The following LAT2 variants were observed in gnomAD, a reference collection of about 807,000 sequenced individuals.
The protein encoded by LAT2 is linker for activation of T-cells family member 2.
A neutral mutation model predicts 43.4 loss-of-function variants in LAT2; 23 were observed. The ratio of observed to expected loss-of-function variants is 0.53; its 90% CI spans 0.38 to 0.75. The LOEUF (loss-of-function observed/expected upper bound fraction) is 0.75. LAT2 is among the 30% of genes least tolerant of loss of function. The pLI is 0.00. For missense variants in LAT2, 284 were observed against 310.2 expected (o/e 0.92, Z 0.64); for synonymous variants, 128 against 123.2 (o/e 1.04, Z -0.26).
intron 10 of LAT2, 61 bp from the exon 11 acceptor site, chr7:74,223,663 G>T: frequency 6.7e-7 from 1 of 1,494,434 alleles, no homozygotes; most frequent in South Asian, 1.1e-5. Context: ...AGAGCGGGAG[G>T]ATGAGCCAGG....
chr7:74,228,301 C>G (rs1277675618), intron 13 of LAT2, among the ~76,000 whole-genome samples: 1 of 148,416 alleles, frequency 6.7e-6, no homozygotes, highest in Non-Finnish European at 1.5e-5. Context: ...ACAGTGAAAC[C>G]CCGTCTCTAC....
intron 1 of LAT2, among the ~76,000 whole-genome samples, chr7:74,214,164 AAAT>A (rs1289026381): frequency 2.6e-5 from 2 of 76,554 alleles, no homozygotes; most frequent in African/African-American, 1.2e-4. Context: ...ATATATATGA[AAAT>A]ATATATATGA....
rs1554714906 is a variant in LAT2 at position 74,220,121 on chromosome 7, G to C, written c.228-96G>C. 2 of 1,563,442 alleles carry C rather than the reference G, an allele frequency of 1.3e-6. No homozygotes were observed. Among genetic ancestry groups the C allele is most frequent in the Admixed American group, 3.5e-5 (2 of 56,648 alleles). On this transcript the variant is annotated intron_variant, in intron 6 of 13. Transcript: ENST00000460943. The surrounding 1 kb of genome is among the most constrained non-coding windows in gnomAD (Gnocchi z 4.5). ...CCGAGTCCCAGAGCTCCAGGGCTCAGCTATGAAGGCCCCACAAGGGGTATG... is the reference window on the plus strand; with the variant it reads ...CCGAGTCCCAGAGCTCCAGGGCTCACCTATGAAGGCCCCACAAGGGGTATG...
Position 74,223,721 on chromosome 7 carries a change from C to T in LAT2, c.389-3C>T, listed in dbSNP as rs1802377187. The T allele has an allele frequency of 6.2e-7, 1 of 1,613,850 alleles. No individual in the cohort carries two copies. On this transcript the variant is annotated splice_region_variant and splice_polypyrimidine_tract_variant and intron_variant, in intron 10 of 13. Coordinates refer to ENST00000460943, the MANE Select transcript of LAT2 (RefSeq NM_032464.3). The stretch of plus-strand genomic sequence containing the variant: ...CCCGTGCCCACTCCTCTCTCTCCTG[C>T]AGATGATGATGCCAATTCCTACGAG...
At chr7:74,222,854 C>T (rs1172809141) in intron 10 of LAT2, among the ~76,000 whole-genome samples, 5 of 152,202 alleles carry the variant, frequency 3.3e-5, no homozygotes, top group Non-Finnish European at 5.9e-5. Flanking sequence ...GGATTACAGG[C>T]ATGAGCCACC....
intron 9 of LAT2, among the ~76,000 whole-genome samples, chr7:74,221,168 G>A (rs1408548990): frequency 6.6e-6 from 1 of 151,974 alleles, no homozygotes; most frequent in African/African-American, 2.4e-5. Context: ...GTAATCCCAG[G>A]ACTTTGGGAG....
chr7:74,221,601 C>T (rs368838300), intron 9 of LAT2, 36 bp from the exon 10 acceptor site: 4 of 1,589,302 alleles, frequency 2.5e-6, no homozygotes, highest in Non-Finnish European at 3.4e-6. Flanking sequence ...CTCCAGCCTG[C>T]CCTGAAACCT....
intron 1 of LAT2, among the ~76,000 whole-genome samples, chr7:74,213,786 G>A (rs1355050365): frequency 1.3e-5 from 2 of 151,864 alleles, no homozygotes; most frequent in African/African-American, 4.8e-5. Context: ...CTGTGGGATG[G>A]GGAGAAGCCC....
At chr7:74,221,566 C>A in intron 9 of LAT2, 71 bp from the exon 10 acceptor site, 15 of 1,251,466 alleles carry the variant, frequency 1.2e-5, no homozygotes, top group Non-Finnish European at 1.7e-5. Context: ...GCCTCACCGC[C>A]CCCTTATGGA....
intron 9 of LAT2, 69 bp from the exon 10 acceptor site, chr7:74,221,568 C>T: frequency 7.6e-7 from 1 of 1,315,330 alleles, no homozygotes; most frequent in Non-Finnish European, 1.1e-6. Flanking sequence ...CTCACCGCCC[C>T]CTTATGGAGC....
In LAT2 at chr7:74,218,860, C is replaced by T. The variant is rs564495751; in HGVS notation, c.135-884C>T. Among the ~76,000 whole-genome samples the T allele has an allele frequency of 4.3e-4, 65 of 151,898 alleles. No individual in the cohort carries two copies. In the South Asian group the frequency reaches 0.013, roughly 31 times the overall value. ...TACAGGCATGCGCCACCATGCCCAG[C>T]TAATTTTTGTATTTTTAGTAGAGAC... On this transcript the variant is annotated intron_variant, in intron 4 of 13. Coordinates refer to ENST00000460943, the MANE Select transcript of LAT2 (RefSeq NM_032464.3).
At chr7:74,222,269 C>T (rs1368637629) in intron 10 of LAT2, among the ~76,000 whole-genome samples, 2 of 149,172 alleles carry the variant, frequency 1.3e-5, no homozygotes, top group Non-Finnish European at 3.0e-5. Flanking sequence ...GGCATGGTGG[C>T]ACATGCCTGT....
intron 1 of LAT2, among the ~76,000 whole-genome samples, chr7:74,211,642 A>G (rs2116069019): frequency 6.6e-6 from 1 of 152,078 alleles, no homozygotes; most frequent in East Asian, 1.9e-4. Context: ...TATTTTTAGT[A>G]GAGACGGGGT....
chr7:74,220,720 G>T lies in LAT2; in HGVS notation c.318G>T (p.Ser106=), dbSNP rs200881614. 1.2e-6 allele frequency: 2 copies of T among 1,604,290 alleles called. No homozygotes were observed. Among genetic ancestry groups the T allele is most frequent in the Non-Finnish European group, 1.7e-6 (2 of 1,172,860 alleles). ...QNFSKGSRHG[S]EEAYIDPIAM... Reference sequence around the variant, plus strand: ...CTCCCGCAGGAAGCAGACACGGGTCGGAGGAAGCCTACATGTGAGTGACCT... The same window carrying T: ...CTCCCGCAGGAAGCAGACACGGGTCTGAGGAAGCCTACATGTGAGTGACCT... Residue 106 remains serine (S), a synonymous_variant, in exon 9 of 14, where the codon TCG becomes TCT. Coordinates refer to ENST00000460943, the MANE Select transcript of LAT2 (RefSeq NM_032464.3). This position sits in a 1 kb window ranked among gnomAD's most constrained non-coding sequence, Gnocchi z 4.5.
rs1802621666 is a variant in LAT2, at chr7:74,229,705, G to C, written c.*780G>C. ...CTCCAGGGCTGGCCTCTGCAGAGCTGATTAAACAGTGTTGTGACTGTCTCA... is the reference window on the plus strand; with the variant it reads ...CTCCAGGGCTGGCCTCTGCAGAGCTCATTAAACAGTGTTGTGACTGTCTCA... On this transcript the variant is annotated 3_prime_UTR_variant, in exon 14 of 14. Coordinates refer to ENST00000460943, the MANE Select transcript of LAT2 (RefSeq NM_032464.3). The C allele has an allele frequency of 1.3e-5, 2 of 152,308 alleles. No individual in the cohort carries two copies. The highest frequency in any genetic ancestry group is 4.1e-4 in the South Asian group (2 of 4,838). 9.4% of individuals were successfully genotyped at this position (152,308 alleles called of 1,614,324 possible). A position where few individuals can be genotyped will look rare whatever the true frequency, so the allele number is the denominator to read the frequency against.
chr7:74,223,848 C>G lies in LAT2; in HGVS notation c.448+65C>G, dbSNP rs1403130966. 3.9e-6 allele frequency: 6 copies of G among 1,545,252 alleles called. No homozygotes were observed. The African/African-American group carries it at 8.2e-5, about 21-fold the overall frequency. On this transcript the variant is annotated intron_variant, in intron 11 of 13. Transcript: ENST00000460943. ...AGCAGGCCTCCTTGGCCAGGTGCCCCTGCACTCCCCACTGCTCAAAGGCCG... is the reference window on the plus strand; with the variant it reads ...AGCAGGCCTCCTTGGCCAGGTGCCCGTGCACTCCCCACTGCTCAAAGGCCG...
intron 10 of LAT2, among the ~76,000 whole-genome samples, chr7:74,222,333 G>A (rs1210669836): frequency 8.6e-5 from 13 of 150,686 alleles, no homozygotes; most frequent in African/African-American, 2.2e-4. Context: ...CCCGGGAGGC[G>A]GAGGCTGCAG....
chr7:74,220,816 C>A lies in LAT2; in HGVS notation c.332+82C>A. The A allele has an allele frequency of 1.6e-6, 2 of 1,255,260 alleles. No individual in the cohort carries two copies. The highest frequency in any genetic ancestry group is 2.5e-5 in the Admixed American group (1 of 39,422). The allele number at this position is 1,255,260 out of a possible 1,614,324, so 77.8% of individuals were successfully genotyped here. On this transcript the variant is annotated intron_variant, in intron 9 of 13. Transcript: ENST00000460943. This position sits in a 1 kb window ranked among gnomAD's most constrained non-coding sequence, Gnocchi z 4.5. ...CCCCTGCCCCACCTCTCCCCCTGCC[C>A]CACCTGCCTGCCACAGCCCTGGGCT...
At chr7:74,219,009 C>CTTTTTTTTTTTTTT (rs781806954) in intron 4 of LAT2, among the ~76,000 whole-genome samples, 1 of 48,804 alleles carries the variant, frequency 2.0e-5, no homozygotes, top group African/African-American at 7.2e-5. Context: ...AGAGTGTGTG[C>CTTTTTTTTTTTTTT]TTTTTTTTTT....
Sources: gnomAD v4.1 joint callset for allele counts (sites outside exome capture counted in the v4.1 genomes callset) on GRCh38, gnomAD v4.1.1 for gene constraint, Gnocchi (gnomAD v3.1) non-coding constraint, MANE v1.5 for transcripts, NCBI Gene and HGNC (gene_info 2026-07-23, HGNC 2026-07-21) for gene names.